Variants in GPR158 observed in about 807,000 individuals in gnomAD.
GPR158 encodes G protein-coupled receptor 158, also known as metabotropic glycine receptor.
A neutral mutation model predicts 78.2 loss-of-function variants in GPR158; 30 were observed. That is an observed-to-expected ratio of 0.38 (90% CI 0.29 to 0.52). The LOEUF (loss-of-function observed/expected upper bound fraction) is 0.52, where lower values mean the gene tolerates loss of function less well. GPR158 is among the 20% of genes least tolerant of loss of function. GPR158 has a pLI of 0.83. For synonymous variants in GPR158, 581 were observed against 591.1 expected, an observed-to-expected ratio of 0.98 and a Z score of 0.25; for missense variants, 1,463 against 1,523.5, an observed-to-expected ratio of 0.96 and a Z score of 0.66.
chr10:25,246,141 C>A (rs1212356497), intron 2 of GPR158, among the ~76,000 whole-genome samples: 3 of 152,112 alleles, frequency 2.0e-5, no homozygotes, highest in African/African-American at 7.2e-5. Flanking sequence ...AGTTTTTAAC[C>A]TACTCTGTCC....
intron 1 of GPR158, among the ~76,000 whole-genome samples, chr10:25,178,262 C>T (rs1388720711): frequency 6.6e-6 from 1 of 152,148 alleles, no homozygotes; most frequent in Non-Finnish European, 1.5e-5. Flanking sequence ...AGGATTTAAG[C>T]CCACTTCATA....
At chr10:25,386,445 G>A (rs1329230528) in intron 2 of GPR158, among the ~76,000 whole-genome samples, 1 of 152,030 alleles carries the variant, frequency 6.6e-6, no homozygotes, top group East Asian at 1.9e-4. Flanking sequence ...ATAAGTTTAG[G>A]ACATTTTTTC....
chr10:25,537,851 G>A (rs956564012), intron 5 of GPR158, among the ~76,000 whole-genome samples: 1 of 152,050 alleles, frequency 6.6e-6, no homozygotes, highest in Admixed American at 6.6e-5. Context: ...CATGTAAGAT[G>A]TGCCTGCTTC....
At position 25,202,589 on chromosome 10, in the gene GPR158, CT is replaced by C. The variant is rs368811242; in HGVS notation, c.903-18457del. Among the ~76,000 whole-genome samples the C allele has an allele frequency of 7.4e-3, 1,131 of 152,256 alleles. 21 individuals carry two copies. The highest frequency in any genetic ancestry group is 0.026 in the African/African-American group (1,071 of 41,544). ...TCCCTACAAAGGACATGAATTCATC[CT>C]TTTTTATGGCTGCATAGTATTTCCT... On this transcript the variant is annotated intron_variant, in intron 1 of 10. Transcript: ENST00000376351.
chr10:25,587,271 A>G (rs1379155257), intron 7 of GPR158, among the ~76,000 whole-genome samples: 5 of 152,194 alleles, frequency 3.3e-5, no homozygotes, highest in Non-Finnish European at 7.3e-5. Context: ...ACCTTTTCAG[A>G]TTTTAAGACT....
intron 2 of GPR158, among the ~76,000 whole-genome samples, chr10:25,352,789 T>C (rs1343753892): frequency 6.6e-6 from 1 of 152,076 alleles, no homozygotes; most frequent in Non-Finnish European, 1.5e-5. Flanking sequence ...ATCTGACTCA[T>C]GTTTTAGATA....
intron 2 of GPR158, among the ~76,000 whole-genome samples, chr10:25,329,989 A>G (rs1855095516): frequency 6.7e-6 from 1 of 148,652 alleles, no homozygotes; most frequent in South Asian, 2.1e-4. Context: ...TCTACTCAGA[A>G]TTTAAATGAG....
intron 6 of GPR158, among the ~76,000 whole-genome samples, chr10:25,556,121 C>A (rs1005009898): frequency 1.3e-5 from 2 of 152,136 alleles, no homozygotes; most frequent in Non-Finnish European, 2.9e-5. Flanking sequence ...GCCTGAAGTG[C>A]AGTTATTCGA....
At chr10:25,545,195 G>GA (rs1836646672) in intron 5 of GPR158, among the ~76,000 whole-genome samples, 1 of 152,172 alleles carries the variant, frequency 6.6e-6, no homozygotes, top group Admixed American at 6.5e-5. Context: ...ATAGTAGAAT[G>GA]TTTTATAATC....
intron 2 of GPR158, among the ~76,000 whole-genome samples, chr10:25,259,402 G>C (rs1490037856): frequency 6.6e-6 from 1 of 152,108 alleles, no homozygotes; most frequent in Non-Finnish European, 1.5e-5. Flanking sequence ...TTCAGTGCCT[G>C]CTCTTTTGTA....
At chr10:25,324,483 G>C (rs533147918) in intron 2 of GPR158, among the ~76,000 whole-genome samples, 1 of 152,160 alleles carries the variant, frequency 6.6e-6, no homozygotes, top group Non-Finnish European at 1.5e-5. Flanking sequence ...TATTATATGG[G>C]CATGGTTCAT....
At chr10:25,301,433 G>T (rs1588785023) in intron 2 of GPR158, among the ~76,000 whole-genome samples, 6 of 152,260 alleles carry the variant, frequency 3.9e-5, no homozygotes, top group Admixed American at 3.9e-4. Context: ...CCTTATTACA[G>T]TTCAATGTTC....
At chr10:25,590,670 T>C (rs1837330578) in intron 8 of GPR158, among the ~76,000 whole-genome samples, 1 of 152,150 alleles carries the variant, frequency 6.6e-6, no homozygotes, top group Non-Finnish European at 1.5e-5. Context: ...GACTAACAAA[T>C]CAACTAAAGT....
At chr10:25,503,497 G>T (rs1328857988) in intron 5 of GPR158, among the ~76,000 whole-genome samples, 1 of 152,142 alleles carries the variant, frequency 6.6e-6, no homozygotes, top group Non-Finnish European at 1.5e-5. Flanking sequence ...AAATAGAAAT[G>T]GGAGGAAAGT....
intron 5 of GPR158, among the ~76,000 whole-genome samples, chr10:25,487,842 G>A (rs976094246): frequency 9.2e-5 from 14 of 152,018 alleles, no homozygotes; most frequent in Admixed American, 3.3e-4. Flanking sequence ...ATAAAATTGC[G>A]TTTAGATTAA....
At chr10:25,319,811 C>A (rs1854918809) in intron 2 of GPR158, among the ~76,000 whole-genome samples, 1 of 120,986 alleles carries the variant, frequency 8.3e-6, no homozygotes. Context: ...GGTGATATTG[C>A]TGAACACCCC....
chr10:25,182,957 C>T (rs1480137460), intron 1 of GPR158, among the ~76,000 whole-genome samples: 3 of 152,196 alleles, frequency 2.0e-5, no homozygotes, highest in South Asian at 4.1e-4. Flanking sequence ...AGGCAGTTCA[C>T]TAGTACTGGG....
At chr10:25,297,120 A>G (rs1363360862) in intron 2 of GPR158, among the ~76,000 whole-genome samples, 1 of 152,170 alleles carries the variant, frequency 6.6e-6, no homozygotes, top group Non-Finnish European at 1.5e-5. Flanking sequence ...TCCATAACTC[A>G]GGCGTTTGTT....
At chr10:25,362,575 A>G (rs574020165) in intron 2 of GPR158, among the ~76,000 whole-genome samples, 4 of 152,042 alleles carry the variant, frequency 2.6e-5, no homozygotes, top group Admixed American at 2.0e-4. Context: ...TTTTCAATCC[A>G]TGAACATGGG....
Sources: gnomAD v4.1 joint callset for allele counts (sites outside exome capture counted in the v4.1 genomes callset) on GRCh38, gnomAD v4.1.1 for gene constraint, MANE v1.5 for transcripts, NCBI Gene and HGNC (gene_info 2026-07-23, HGNC 2026-07-21) for gene names.